The following PDZD9 variants were observed in gnomAD, a reference collection of about 807,000 sequenced individuals.
PDZD9 encodes PDZ domain containing 9, also known as PDZ domain-containing protein 9.
Under a neutral mutation model 16.3 loss-of-function variants are expected in PDZD9, and 13 were observed. The observed-to-expected ratio is 0.80, with a 90% CI of 0.52 to 1.27. PDZD9 has a LOEUF of 1.27. PDZD9 is among the 50% of genes most tolerant of loss of function. The pLI is 0.00. For missense variants in PDZD9, 288 were observed against 310.9 expected (o/e 0.93, Z 0.55); for synonymous variants, 120 against 111.0 (o/e 1.08, Z -0.51).
rs1899151559 is a variant in PDZD9, at chr16:21,996,392, A to G, written c.141T>C (p.His47=). 4.6e-6 allele frequency: 7 copies of G among 1,536,046 alleles called. No individual in the cohort carries two copies. The South Asian group carries it at 5.9e-5, about 13-fold the overall frequency. Residue 47 remains histidine (H), a synonymous_variant, in exon 2 of 4, where the codon CAT becomes CAC. Transcript: ENST00000424898. ...SLGLGLIIIQ[H]GPYLQITHLI... The stretch of plus-strand genomic sequence containing the variant: ...GGTGGGTGATCTGGAGGTAGGGTCC[A>G]TGCTGGATGATGATGAGGCCTAATC...
chr16:21,974,021 C>T, the PDZD9 span: 1 of 1,477,238 alleles, frequency 6.8e-7, no homozygotes, highest in African/African-American at 1.4e-5. Context: ...CAAGTTATTT[C>T]TCCCCCCCGC....
In PDZD9 at chr16:21,984,421, T is replaced by C; in HGVS notation, c.641A>G (p.Lys214Arg). The change falls in exon 4 of 4, where the codon AAA becomes AGA. Residue 214 changes from lysine to arginine, a missense_variant. Physicochemically the swap from Lys to Arg is conservative, Grantham distance 26. Coordinates refer to ENST00000424898, the MANE Select transcript of PDZD9 (RefSeq NM_001363519.1). ...CDVMIHRDDK[K>R]EVRAPSPYWI... ...GTATGGAGAAGGGGCCCTCACTTCT[T>C]TCTTGTCGTCTCTGTGAATCATCAC... 3 of 1,614,178 alleles carry C rather than the reference T, an allele frequency of 1.9e-6. No individual in the cohort carries two copies. Among genetic ancestry groups the C allele is most frequent in the South Asian group, 2.2e-5 (2 of 91,078 alleles).
chr16:21,969,634 A>G, the PDZD9 span, among the ~76,000 whole-genome samples: 1 of 152,192 alleles, frequency 6.6e-6, no homozygotes, highest in East Asian at 1.9e-4. Context: ...TTGCATGAGA[A>G]TATCATTTGT....
chr16:21,994,831 ATT>A (rs759803828), intron 2 of PDZD9, among the ~76,000 whole-genome samples: 6 of 142,450 alleles, frequency 4.2e-5, no homozygotes, highest in Non-Finnish European at 3.1e-5. Context: ...AGTAAATTTA[ATT>A]TTTTTTTTTT....
chr16:21,977,433 A>G, the PDZD9 span, among the ~76,000 whole-genome samples: 3 of 152,208 alleles, frequency 2.0e-5, no homozygotes, highest in Non-Finnish European at 4.4e-5. Context: ...AGTATATAAG[A>G]GTACCTATTC....
rs1165959989 is a variant in PDZD9, at chr16:21,984,310, T to C, written c.752A>G (p.Gln251Arg). 1 of 1,614,096 alleles carries C rather than the reference T, an allele frequency of 6.2e-7. No homozygotes were observed. Among genetic ancestry groups the C allele is most frequent in the Non-Finnish European group, 8.5e-7 (1 of 1,179,968 alleles). ...SDAFWLEDCA[Q>R]VEEGKAQLVS... ...CAGTTGGGCTTTACCCTCTTCAACT[T>C]GGGCACAATCTTCCAGCCAAAATGC... Residue 251 changes from glutamine to arginine, a missense_variant, in exon 4 of 4, where the codon CAA becomes CGA. Physicochemically the swap from Gln to Arg is conservative, Grantham distance 43. Transcript: ENST00000424898.
downstream of PDZD9, chr16:21,980,613 G>A (rs758679417): frequency 3.7e-6 from 6 of 1,614,020 alleles, no homozygotes; most frequent in African/African-American, 4.0e-5. Context: ...AAGAAGTCGG[G>A]TCCCAGGCTC....
the PDZD9 span, among the ~76,000 whole-genome samples, chr16:21,973,591 T>A: frequency 2.0e-5 from 3 of 152,198 alleles, no homozygotes; most frequent in African/African-American, 7.2e-5. Context: ...ATTATAATAA[T>A]AATGTTTGCA....
At chr16:21,960,187 A>T in the PDZD9 span, among the ~76,000 whole-genome samples, 4 of 152,188 alleles carry the variant, frequency 2.6e-5, no homozygotes, top group African/African-American at 9.6e-5. Context: ...AGCATTGAAA[A>T]TCTGTGGTTT....
At chr16:21,962,733 A>G in the PDZD9 span, 4 of 1,613,728 alleles carry the variant, frequency 2.5e-6, no homozygotes, top group East Asian at 2.2e-5. Flanking sequence ...TTTTTGACTC[A>G]TAATTCTTAT....
At position 21,984,093 on chromosome 16, in the gene PDZD9, G is replaced by T; in HGVS notation, c.*174C>A. The T allele has an allele frequency of 1.6e-6, 1 of 617,548 alleles. No individual in the cohort carries two copies. Among genetic ancestry groups the T allele is most frequent in the Non-Finnish European group, 2.6e-6 (1 of 380,586 alleles). 38.3% of individuals were successfully genotyped at this position (617,548 alleles called of 1,614,324 possible). A position where few individuals can be genotyped will look rare whatever the true frequency, so the allele number is the denominator to read the frequency against. On this transcript the variant is annotated 3_prime_UTR_variant, in exon 4 of 4. Transcript: ENST00000424898. Reference sequence around the variant, plus strand: ...TTTGTGAGGCCTGCAAGAACCCAAGGAAGTCTTTAGATAATCCTGTTGAAG... The same window carrying T: ...TTTGTGAGGCCTGCAAGAACCCAAGTAAGTCTTTAGATAATCCTGTTGAAG...
the PDZD9 span, chr16:21,958,383 T>A: frequency 2.8e-6 from 2 of 702,120 alleles, no homozygotes; most frequent in Non-Finnish European, 4.9e-6. Flanking sequence ...AAGCTTTTTG[T>A]TGAGCCTTGT....
At chr16:21,958,144 A>G in the PDZD9 span, among the ~76,000 whole-genome samples, 1 of 152,226 alleles carries the variant, frequency 6.6e-6, no homozygotes, top group African/African-American at 2.4e-5. Context: ...GAGAAACCAC[A>G]AGATATTTGC....
At chr16:21,965,972 T>C in the PDZD9 span, among the ~76,000 whole-genome samples, 2 of 152,044 alleles carry the variant, frequency 1.3e-5, no homozygotes, top group South Asian at 4.1e-4. Flanking sequence ...GCATGAGCCA[T>C]TGCACCCAGC....
the PDZD9 span, among the ~76,000 whole-genome samples, chr16:21,970,555 A>C: frequency 6.6e-6 from 1 of 152,060 alleles, no homozygotes; most frequent in Admixed American, 6.6e-5. Flanking sequence ...ACATATTTTC[A>C]TGTGCTTTTT....
downstream of PDZD9, chr16:21,980,579 TG>T: frequency 4.3e-6 from 7 of 1,614,138 alleles, no homozygotes; most frequent in Non-Finnish European, 5.9e-6. Flanking sequence ...CTAATGTCAG[TG>T]GAGTCTTCTG....
the PDZD9 span, chr16:21,965,427 T>C: frequency 9.9e-6 from 16 of 1,613,832 alleles, no homozygotes; most frequent in African/African-American, 1.3e-5. Flanking sequence ...AAAATTTGCA[T>C]GCAGCAGCTT....
chr16:21,965,501 A>G, the PDZD9 span: 1 of 1,584,964 alleles, frequency 6.3e-7, no homozygotes, highest in Non-Finnish European at 8.6e-7. Context: ...GTGACATCAG[A>G]GGAGGTACCA....
At chr16:21,987,678 T>G (rs928793716) in intron 3 of PDZD9, among the ~76,000 whole-genome samples, 1 of 152,072 alleles carries the variant, frequency 6.6e-6, no homozygotes. Flanking sequence ...CAGAAGAATC[T>G]AGTGGGATCA....
Sources: gnomAD v4.1 joint callset for allele counts (sites outside exome capture counted in the v4.1 genomes callset) on GRCh38, gnomAD v4.1.1 for gene constraint, MANE v1.5 for transcripts, NCBI Gene and HGNC (gene_info 2026-07-23, HGNC 2026-07-21) for gene names.